IQGAP1: variants seen among roughly 807,000 people sequenced by gnomAD.
The protein encoded by IQGAP1 is IQ motif containing GTPase activating protein 1.
A neutral mutation model predicts 215.6 loss-of-function variants in IQGAP1; 66 were observed. The observed-to-expected ratio is 0.31, with a 90% confidence interval of 0.25 to 0.38. The LOEUF (loss-of-function observed/expected upper bound fraction) is 0.38, where lower values mean the gene tolerates loss of function less well. IQGAP1 is among the 10% of genes least tolerant of loss of function. IQGAP1 has a pLI of 1.00. For synonymous variants in IQGAP1, 772 were observed against 728.7 expected (o/e 1.06, Z -0.96); for missense variants, 1,712 against 1,997.1 (o/e 0.86, Z 2.72).
At chr15:90,438,184 T>C (rs1233193100) in intron 5 of IQGAP1, among the ~76,000 whole-genome samples, 1 of 152,246 alleles carries the variant, frequency 6.6e-6, no homozygotes, top group Non-Finnish European at 1.5e-5. Flanking sequence ...GATTTATTTC[T>C]TATATATTTC....
chr15:90,419,829 G>C (rs1383249992), intron 2 of IQGAP1, among the ~76,000 whole-genome samples: 1 of 152,166 alleles, frequency 6.6e-6, no homozygotes, highest in Non-Finnish European at 1.5e-5. Flanking sequence ...TGATACTCCT[G>C]TTCCATTTCA....
chr15:90,461,347 T>C (rs1965758673), intron 15 of IQGAP1, among the ~76,000 whole-genome samples: 1 of 151,946 alleles, frequency 6.6e-6, no homozygotes, highest in Admixed American at 6.6e-5. Flanking sequence ...TGTACCAATG[T>C]TTTTTGTTTG....
At chr15:90,430,024 ATTAAAAT>A (rs1275539172) in intron 4 of IQGAP1, among the ~76,000 whole-genome samples, 1 of 152,234 alleles carries the variant, frequency 6.6e-6, no homozygotes, top group Non-Finnish European at 1.5e-5. Context: ...AGTTGTTAAC[ATTAAAAT>A]TTGACCTTTG....
At chr15:90,423,364 T>C (rs1965175506) in intron 2 of IQGAP1, among the ~76,000 whole-genome samples, 1 of 152,098 alleles carries the variant, frequency 6.6e-6, no homozygotes, top group African/African-American at 2.4e-5. Context: ...CTCCCAAGTA[T>C]CTGAGACTAT....
At chr15:90,487,176 A>G (rs1966138370) in intron 32 of IQGAP1, 87 bp downstream of exon 32, 2 of 1,345,562 alleles carry the variant, frequency 1.5e-6, no homozygotes, top group African/African-American at 1.4e-5. Flanking sequence ...TCCTACCTGA[A>G]ATGACCATCC....
At chr15:90,427,047 A>G (rs1215059400) in intron 3 of IQGAP1, among the ~76,000 whole-genome samples, 2 of 151,932 alleles carry the variant, frequency 1.3e-5, no homozygotes, top group Non-Finnish European at 2.9e-5. Context: ...TGGTAGGATC[A>G]CTTAAGACCA....
chr15:90,393,500 T>C (rs1381779456), intron 2 of IQGAP1: 2 of 152,102 alleles, frequency 1.3e-5, no homozygotes, highest in African/African-American at 2.4e-5. Flanking sequence ...GTTGAATCCA[T>C]GGATGCAGAA....
chr15:90,493,556 AAG>A (rs1966234846), intron 35 of IQGAP1, among the ~76,000 whole-genome samples: 1 of 152,220 alleles, frequency 6.6e-6, no homozygotes, highest in Non-Finnish European at 1.5e-5. Context: ...TTTTTATTTT[AAG>A]AGTTTTCAAA....
chr15:90,466,238 C>T (rs775907550), intron 16 of IQGAP1, 31 bp from the exon 17 acceptor site: 3 of 1,609,096 alleles, frequency 1.9e-6, no homozygotes, highest in African/African-American at 2.7e-5. Flanking sequence ...ACTCTCTAAA[C>T]TATTCTGGTA....
intron 18 of IQGAP1, among the ~76,000 whole-genome samples, chr15:90,470,470 A>G (rs759297741): frequency 2.3e-4 from 35 of 152,184 alleles, no homozygotes; most frequent in Admixed American, 1.9e-3. Flanking sequence ...ACAAGCTTTC[A>G]GGTGATGTTG....
Position 90,466,027 on chromosome 15 carries a change from A to G in IQGAP1, c.1803A>G (p.Leu601=). ...AAATCCAGGATGAGTCAGCTGTGTT[A>G]TGGTTGGATGAAATTCAAGGTGGAA... The part of the protein sequence containing the change: ...AQEIQDESAV[L]WLDEIQGGIW... The change falls in exon 16 of 38, where the codon TTA becomes TTG. Residue 601 remains leucine (L), a synonymous_variant. Coordinates refer to ENST00000268182, the MANE Select transcript of IQGAP1 (RefSeq NM_003870.4). 6.2e-7 allele frequency: 1 copy of G among 1,614,078 alleles called. No homozygotes were observed. Among genetic ancestry groups the G allele is most frequent in the Non-Finnish European group, 8.5e-7 (1 of 1,179,990 alleles).
intron 3 of IQGAP1, among the ~76,000 whole-genome samples, chr15:90,427,730 A>T (rs1567122810): frequency 6.6e-6 from 1 of 151,758 alleles, no homozygotes. Flanking sequence ...ACAGAGCAAG[A>T]CTCTGTCTCC....
chr15:90,424,020 A>C (rs1965185423), intron 2 of IQGAP1, among the ~76,000 whole-genome samples: 1 of 148,964 alleles, frequency 6.7e-6, no homozygotes, highest in African/African-American at 2.5e-5. Context: ...AAAGAAAAAT[A>C]AGTAACTTTT....
chr15:90,420,968 C>A (rs1965126101), intron 2 of IQGAP1, among the ~76,000 whole-genome samples: 2 of 151,984 alleles, frequency 1.3e-5, no homozygotes, highest in Admixed American at 1.3e-4. Flanking sequence ...GCCCGGCCAA[C>A]ATGGCGAAAC....
chr15:90,466,013 G>A lies in IQGAP1; in HGVS notation c.1789G>A (p.Glu597Lys). 1 of 1,613,954 alleles carries A rather than the reference G, an allele frequency of 6.2e-7. No homozygotes were observed. Among genetic ancestry groups the A allele is most frequent in the South Asian group, 1.1e-5 (1 of 91,076 alleles). ...KREKAQEIQD[E>K]SAVLWLDEIQ... ...TAATGATATGTAGGAAATCCAGGATGAGTCAGCTGTGTTATGGTTGGATGA... is the reference window on the plus strand; with the variant it reads ...TAATGATATGTAGGAAATCCAGGATAAGTCAGCTGTGTTATGGTTGGATGA... Residue 597 changes from glutamate to lysine, a missense_variant, in exon 16 of 38, where the codon GAG becomes AAG. Around this residue, in one of 2 missense-constraint regions of IQGAP1, gnomAD observed 1,021 missense variants for 1,074.2 expected, o/e 0.95. Coordinates refer to ENST00000268182, the MANE Select transcript of IQGAP1 (RefSeq NM_003870.4).
At position 90,429,027 on chromosome 15, in the gene IQGAP1, A is replaced by G. The variant is rs146591103; in HGVS notation, c.313-562A>G. 7.2e-4 allele frequency among the ~76,000 whole-genome samples: 110 copies of G among 152,028 alleles called. 1 individual carries two copies. In the East Asian group the frequency reaches 0.018, roughly 25 times the overall value. The stretch of plus-strand genomic sequence containing the variant: ...ACCACCACACCTGGCTAATTTTTGT[A>G]TTTTTAGTAGAGATGGGATTTCACC... On this transcript the variant is annotated intron_variant, in intron 3 of 37. Transcript: ENST00000268182.
chr15:90,405,651 T>A (rs923261516), intron 2 of IQGAP1, among the ~76,000 whole-genome samples: 1 of 152,122 alleles, frequency 6.6e-6, no homozygotes, highest in Admixed American at 6.6e-5. Context: ...TTATTTGGAA[T>A]CTTTGTCATA....
chr15:90,418,286 G>T (rs2601204), intron 2 of IQGAP1, among the ~76,000 whole-genome samples: 11 of 152,032 alleles, frequency 7.2e-5, no homozygotes, highest in African/African-American at 2.7e-4. Flanking sequence ...ATATGAAAAG[G>T]TATAAGAATT....
At chr15:90,471,867 A>G (rs539341655) in intron 18 of IQGAP1, among the ~76,000 whole-genome samples, 1 of 125,674 alleles carries the variant, frequency 8.0e-6, no homozygotes, top group African/African-American at 3.9e-5. Flanking sequence ...CTCTGGTACC[A>G]AGGAGAAAGG....
Sources: allele counts gnomAD v4.1 joint callset (sites outside exome capture counted in the v4.1 genomes callset), GRCh38; gene constraint gnomAD v4.1.1; regional missense constraint gnomAD v4.1.1; transcripts MANE v1.5; gene names NCBI Gene and HGNC (gene_info 2026-07-23, HGNC 2026-07-21).